TREML4: variants seen among roughly 807,000 people sequenced by gnomAD.
TREML4 encodes the protein triggering receptor expressed on myeloid cells like 4.
Under a neutral mutation model 25.4 loss-of-function variants are expected in TREML4, and 25 were observed. The ratio of observed to expected loss-of-function variants is 0.98; its 90% CI spans 0.72 to 1.37. TREML4 has a LOEUF of 1.37. TREML4 is among the 40% of genes most tolerant of loss of function. The pLI, the probability that TREML4 is intolerant of heterozygous loss-of-function variation, is 0.00. For missense variants in TREML4, 268 were observed against 236.5 expected, an observed-to-expected ratio of 1.13 and a Z score of -0.87; for synonymous variants, 92 against 87.9, an observed-to-expected ratio of 1.05 and a Z score of -0.26.
Position 41,236,471 on chromosome 6 carries a change from C to T in TREML4, c.507-15C>T. On this transcript the variant is annotated splice_polypyrimidine_tract_variant and intron_variant, in intron 4 of 5. Transcript: ENST00000341495. ...CTGGCCCAAGTCCATCCTCCTTTCTCCTTCTTCCCTGCAGGAAATCAAGAG... is the reference window on the plus strand; with the variant it reads ...CTGGCCCAAGTCCATCCTCCTTTCTTCTTCTTCCCTGCAGGAAATCAAGAG... 2 of 1,613,042 alleles carry T rather than the reference C, an allele frequency of 1.2e-6. No individual in the cohort carries two copies. Among genetic ancestry groups the T allele is most frequent in the South Asian group, 1.1e-5 (1 of 91,040 alleles).
rs781720264 is a variant in TREML4, at chr6:41,228,906, A to G, written c.256A>G (p.Lys86Glu). 3 of 1,614,178 alleles carry G rather than the reference A, an allele frequency of 1.9e-6. No homozygotes were observed. Among genetic ancestry groups the G allele is most frequent in the Middle Eastern group, 1.6e-4 (1 of 6,062 alleles). Reference sequence around the variant, plus strand: ...GAAGTCTCATTACACAATCTGGGACAAGCCCAATGCTGGCTTCTTCAACAT... The same window carrying G: ...GAAGTCTCATTACACAATCTGGGACGAGCCCAATGCTGGCTTCTTCAACAT... ...VQKSHYTIWD[K>E]PNAGFFNITM... The change falls in exon 2 of 6, where the codon AAG becomes GAG. Residue 86 changes from lysine (K) to glutamate (E), a missense_variant. Physicochemically the swap from Lys to Glu is moderately conservative, Grantham distance 56. Coordinates refer to ENST00000341495, the MANE Select transcript of TREML4 (RefSeq NM_198153.3).
chr6:41,232,411 G>C (rs984206060), intron 4 of TREML4: 10 of 409,662 alleles, frequency 2.4e-5, no homozygotes, highest in African/African-American at 2.1e-4. Flanking sequence ...TACATTCATG[G>C]TCATTGAAAA....
chr6:41,233,117 A>G (rs922502583), intron 4 of TREML4, among the ~76,000 whole-genome samples: 2 of 152,268 alleles, frequency 1.3e-5, no homozygotes, highest in Admixed American at 6.5e-5. Flanking sequence ...AAGAGTCTTC[A>G]GGTTAAGTCA....
Position 41,228,433 on chromosome 6 carries a change from C to A in TREML4, c.6C>A (p.Ala2=), listed in dbSNP as rs1321808546. The change falls in exon 1 of 6, where the codon GCC becomes GCA. Residue 2 remains alanine, a synonymous_variant. Transcript: ENST00000341495. ...AGAAACAGATCTGGGCTGGAATGGC[C>A]TGGGGTGGGGTCCACACCTGCTGCT... M[A]WGGVHTCCFH... The A allele has an allele frequency of 1.9e-6, 3 of 1,611,424 alleles. No individual in the cohort carries two copies. The African/African-American group carries it at 4.0e-5, about 21-fold the overall frequency.
intron 4 of TREML4, among the ~76,000 whole-genome samples, chr6:41,233,103 A>G (rs1484268): frequency 0.48 from 72,336 of 152,092 alleles, 18,145 homozygotes; most frequent in Non-Finnish European, 0.56. Flanking sequence ...AAATCAATGT[A>G]GATAAGAGTC....
At chr6:41,229,792 A>C (rs963549414) in intron 3 of TREML4, among the ~76,000 whole-genome samples, 7 of 152,142 alleles carry the variant, frequency 4.6e-5, no homozygotes, top group Admixed American at 1.3e-4. Context: ...CGATGATGGG[A>C]GGGTGTCCCC....
chr6:41,237,744 T>C lies in TREML4; in HGVS notation c.*725T>C, dbSNP rs1298217132. On this transcript the variant is annotated 3_prime_UTR_variant, in exon 6 of 6. Coordinates refer to ENST00000341495, the MANE Select transcript of TREML4 (RefSeq NM_198153.3). ...AAAAATTAGATGCGTTAAAATGACA[T>C]GAGCAGGCGACTCAGTGGCCCAAAA... 1 of 152,130 alleles carries C rather than the reference T, an allele frequency of 6.6e-6. No homozygotes were observed. Among genetic ancestry groups the C allele is most frequent in the African/African-American group, 2.4e-5 (1 of 41,418 alleles). 9.4% of individuals were successfully genotyped at this position (152,130 alleles called of 1,614,324 possible).
intron 4 of TREML4, among the ~76,000 whole-genome samples, 175 bp from the exon 5 acceptor site, chr6:41,236,311 C>T (rs9394776): frequency 0.34 from 51,400 of 152,002 alleles, 8,674 homozygotes; most frequent in Middle Eastern, 0.43. Flanking sequence ...TGACTAGGTC[C>T]CCTCTCAGTC....
intron 4 of TREML4, among the ~76,000 whole-genome samples, chr6:41,234,910 G>A (rs1766868450): frequency 6.6e-6 from 1 of 151,576 alleles, no homozygotes; most frequent in African/African-American, 2.4e-5. Flanking sequence ...ACTAATTAAA[G>A]GAGATACAAA....
intron 4 of TREML4, among the ~76,000 whole-genome samples, chr6:41,235,692 G>A (rs866138162): frequency 1.3e-5 from 2 of 152,204 alleles, no homozygotes; most frequent in African/African-American, 4.8e-5. Context: ...CTTTGGAAGA[G>A]GCAATAACAT....
chr6:41,232,750 C>T (rs1766826495), intron 4 of TREML4, among the ~76,000 whole-genome samples: 1 of 152,160 alleles, frequency 6.6e-6, no homozygotes, highest in African/African-American at 2.4e-5. Flanking sequence ...AGAACCCTCG[C>T]ATGCCCCATT....
intron 4 of TREML4, among the ~76,000 whole-genome samples, chr6:41,236,221 C>T (rs1582119166): frequency 6.6e-6 from 1 of 152,110 alleles, no homozygotes; most frequent in Non-Finnish European, 1.5e-5. Context: ...CCAGCTCTAT[C>T]CCTCCCCTTC....
intron 4 of TREML4, among the ~76,000 whole-genome samples, chr6:41,235,773 T>A (rs573033297): frequency 6.6e-6 from 1 of 152,186 alleles, no homozygotes; most frequent in Admixed American, 6.5e-5. Flanking sequence ...TCTTTACTTT[T>A]GTAAAGAACT....
intron 4 of TREML4, among the ~76,000 whole-genome samples, chr6:41,231,316 C>T (rs1276630072): frequency 6.6e-6 from 1 of 151,928 alleles, no homozygotes; most frequent in Non-Finnish European, 1.5e-5. Flanking sequence ...TGCTTTAGGG[C>T]TTTTTCCTCT....
At chr6:41,229,935 C>T (rs142047987) in intron 3 of TREML4, 127 bp from the exon 4 acceptor site, 44 of 801,146 alleles carry the variant, frequency 5.5e-5, no homozygotes, top group African/African-American at 4.2e-4. Flanking sequence ...CTCAGTTACC[C>T]TTAGCCTGAG....
Position 41,236,472 on chromosome 6 carries a change from C to G in TREML4, c.507-14C>G, listed in dbSNP as rs747237343. On this transcript the variant is annotated splice_polypyrimidine_tract_variant and intron_variant, in intron 4 of 5. Transcript: ENST00000341495. ...TGGCCCAAGTCCATCCTCCTTTCTC[C>G]TTCTTCCCTGCAGGAAATCAAGAGC... The G allele has an allele frequency of 1.5e-5, 25 of 1,613,190 alleles. No homozygotes were observed. In the Admixed American group the frequency reaches 2.0e-4, roughly 13 times the overall value.
intron 1 of TREML4, 78 bp downstream of exon 1, chr6:41,228,568 G>A (rs1241950314): frequency 7.8e-6 from 12 of 1,533,022 alleles, no homozygotes; most frequent in African/African-American, 5.5e-5. Context: ...GCATGGCTGT[G>A]TGACCATAGG....
At chr6:41,231,543 A>G (rs1330755091) in intron 4 of TREML4, among the ~76,000 whole-genome samples, 1 of 152,174 alleles carries the variant, frequency 6.6e-6, no homozygotes, top group African/African-American at 2.4e-5. Context: ...CTAGGTACCT[A>G]TGATCAGTCT....
chr6:41,228,494 A>G lies in TREML4; in HGVS notation c.63+4A>G. 1 of 1,612,300 alleles carries G rather than the reference A, an allele frequency of 6.2e-7. No individual in the cohort carries two copies. Among genetic ancestry groups the G allele is most frequent in the Non-Finnish European group, 8.5e-7 (1 of 1,179,302 alleles). ...CTGCTGCTGCTCCTGGCCTCAGGTG[A>G]CATGGAGGGAAAGAGTGCAGGGGGT... On this transcript the variant is annotated splice_donor_region_variant and intron_variant, in intron 1 of 5. Transcript: ENST00000341495.
Sources: gnomAD v4.1 joint callset for allele counts (sites outside exome capture counted in the v4.1 genomes callset) on GRCh38, gnomAD v4.1.1 for gene constraint, MANE v1.5 for transcripts, NCBI Gene and HGNC (gene_info 2026-07-23, HGNC 2026-07-21) for gene names.